Variants in MAL2 observed in about 807,000 individuals in gnomAD.
MAL2 encodes protein MAL2.
In MAL2, 17 loss-of-function variants were observed where a neutral mutation model predicts 18.1. That is an observed-to-expected ratio of 0.94 (90% CI 0.64 to 1.41). The LOEUF (loss-of-function observed/expected upper bound fraction) is 1.41. Ranked by LOEUF, MAL2 falls within the 40% of genes most tolerant of loss-of-function variation. The pLI is 0.00. For missense variants in MAL2, 222 were observed against 231.9 expected (o/e 0.96, Z 0.28); for synonymous variants, 102 against 102.3 (o/e 1.00, Z 0.02).
chr8:119,219,309 A>G (rs1049043873), intron 1 of MAL2, among the ~76,000 whole-genome samples: 6 of 152,182 alleles, frequency 3.9e-5, no homozygotes, highest in Non-Finnish European at 8.8e-5. Context: ...GTAGTAACAA[A>G]TTATATGATT....
chr8:119,244,871 T>G lies in MAL2; in HGVS notation c.*1383T>G, dbSNP rs1818119747. On this transcript the variant is annotated 3_prime_UTR_variant, in exon 4 of 4. Coordinates refer to ENST00000614891, the MANE Select transcript of MAL2 (RefSeq NM_052886.3). ...TTTTGAATGGAAGGACAAGTAAGAG[T>G]GAGGCCACAGTTCCCACCACACGAG... 6.6e-6 allele frequency: 1 copy of G among 152,478 alleles called. No homozygotes were observed. Among genetic ancestry groups the G allele is most frequent in the Admixed American group, 6.6e-5 (1 of 15,248 alleles). The allele number at this position is 152,478 out of a possible 1,614,324, so 9.4% of individuals were successfully genotyped here.
chr8:119,233,855 C>T (rs575699566), intron 2 of MAL2, among the ~76,000 whole-genome samples: 7 of 152,040 alleles, frequency 4.6e-5, no homozygotes, highest in East Asian at 1.9e-4. Context: ...ATACCAAAGC[C>T]GGGAAGAGAC....
At chr8:119,223,970 C>T (rs535430368) in intron 2 of MAL2, 1 of 152,238 alleles carries the variant, frequency 6.6e-6, no homozygotes, top group African/African-American at 2.4e-5. Context: ...AACTGTCAGA[C>T]ATTAATGGCT....
At chr8:119,210,875 A>G (rs933334514) in intron 1 of MAL2, among the ~76,000 whole-genome samples, 3 of 152,116 alleles carry the variant, frequency 2.0e-5, no homozygotes, top group Admixed American at 1.3e-4. Flanking sequence ...TTACTTGAAT[A>G]TCAATCTCCC....
At chr8:119,241,918 C>T (rs1818055309) in intron 3 of MAL2, among the ~76,000 whole-genome samples, 1 of 152,138 alleles carries the variant, frequency 6.6e-6, no homozygotes, top group South Asian at 2.1e-4. Context: ...ATTCTCTTTT[C>T]ATAAAGCTGC....
At chr8:119,220,042 G>C (rs1357644360) in intron 1 of MAL2, among the ~76,000 whole-genome samples, 2 of 152,110 alleles carry the variant, frequency 1.3e-5, no homozygotes, top group Non-Finnish European at 2.9e-5. Flanking sequence ...CAAAATGTGA[G>C]GGGCATAGTG....
At chr8:119,233,848 C>G (rs1202598393) in intron 2 of MAL2, among the ~76,000 whole-genome samples, 2 of 151,980 alleles carry the variant, frequency 1.3e-5, no homozygotes, top group Admixed American at 6.5e-5. Context: ...CATCCTGATA[C>G]CAAAGCCGGG....
intron 1 of MAL2, among the ~76,000 whole-genome samples, chr8:119,211,627 G>A (rs931125039): frequency 6.6e-6 from 1 of 151,362 alleles, no homozygotes; most frequent in African/African-American, 2.4e-5. Flanking sequence ...GCCAGCCTAC[G>A]AGCACCAGGA....
Position 119,208,402 on chromosome 8 carries a change from C to G in MAL2, c.-71C>G. 1 of 896,966 alleles carries G rather than the reference C, an allele frequency of 1.1e-6. No individual in the cohort carries two copies. Among genetic ancestry groups the G allele is most frequent in the South Asian group, 5.0e-5 (1 of 19,912 alleles). 55.6% of individuals were successfully genotyped at this position (896,966 alleles called of 1,614,324 possible). Reference sequence around the variant, plus strand: ...CGGAGCTGAGCGGCGGCGGCGGCGGCGGCAGGAGCCCGGGAGGCGGAGGCG... The same window carrying G: ...CGGAGCTGAGCGGCGGCGGCGGCGGGGGCAGGAGCCCGGGAGGCGGAGGCG... On this transcript the variant is annotated 5_prime_UTR_variant, in exon 1 of 4. Coordinates refer to ENST00000614891, the MANE Select transcript of MAL2 (RefSeq NM_052886.3). This position sits in a 1 kb window ranked among gnomAD's most constrained non-coding sequence, Gnocchi z 4.3.
chr8:119,218,579 A>G (rs1398415952), intron 1 of MAL2, among the ~76,000 whole-genome samples: 1 of 152,056 alleles, frequency 6.6e-6, no homozygotes, highest in Non-Finnish European at 1.5e-5. Context: ...AATCAGTTTA[A>G]TAGTGTCTAT....
At chr8:119,232,120 G>GTATA (rs566086894) in intron 2 of MAL2, among the ~76,000 whole-genome samples, 2 of 151,744 alleles carry the variant, frequency 1.3e-5, no homozygotes, top group Non-Finnish European at 2.9e-5. Context: ...ATATATTTAT[G>GTATA]TATATATAAA....
chr8:119,232,021 G>A (rs1817741431), intron 2 of MAL2, among the ~76,000 whole-genome samples: 3 of 151,834 alleles, frequency 2.0e-5, no homozygotes, highest in African/African-American at 7.3e-5. Flanking sequence ...TAATAACAGT[G>A]TATTATATTC....
intron 2 of MAL2, among the ~76,000 whole-genome samples, chr8:119,226,722 G>A (rs150877685): frequency 3.3e-4 from 51 of 152,242 alleles, no homozygotes; most frequent in African/African-American, 1.2e-3. Flanking sequence ...TACAAATGGT[G>A]GTCCTGGCCA....
At position 119,240,289 on chromosome 8, in the gene MAL2, A is replaced by G; in HGVS notation, c.428A>G (p.Asp143Gly). Residue 143 changes from aspartate to glycine, a missense_variant, in exon 3 of 4, where the codon GAT becomes GGT. Transcript: ENST00000614891. ...ATAACCGGGCAGCCACTCCTGAGTGATAACCAGTATAACATAAACGTAGCA... is the reference window on the plus strand; with the variant it reads ...ATAACCGGGCAGCCACTCCTGAGTGGTAACCAGTATAACATAAACGTAGCA... ...TTITGQPLLS[D>G]NQYNINVAAS... The G allele has an allele frequency of 1.2e-6, 2 of 1,613,688 alleles. No homozygotes were observed. The highest frequency in any genetic ancestry group is 1.7e-6 in the Non-Finnish European group (2 of 1,179,750).
chr8:119,232,848 T>TGCCA (rs1463168726), intron 2 of MAL2, among the ~76,000 whole-genome samples: 2,222 of 152,238 alleles, frequency 0.015, 1 homozygote, highest in African/African-American at 0.051. Flanking sequence ...CAAATTAAAA[T>TGCCA]TACATATTAT....
chr8:119,232,909 TCTTAATC>T (rs1817765182), intron 2 of MAL2, among the ~76,000 whole-genome samples: 1 of 152,196 alleles, frequency 6.6e-6, no homozygotes, highest in South Asian at 2.1e-4. Flanking sequence ...TGAGTGAGTT[TCTTAATC>T]CTGAGTTCTA....
At chr8:119,232,223 TTAAAA>T (rs931872486) in intron 2 of MAL2, among the ~76,000 whole-genome samples, 3 of 152,218 alleles carry the variant, frequency 2.0e-5, no homozygotes, top group South Asian at 2.1e-4. Flanking sequence ...TTTTTCTCAA[TTAAAA>T]TAATTTTTTT....
intron 2 of MAL2, among the ~76,000 whole-genome samples, chr8:119,225,825 G>A (rs1045404662): frequency 7.2e-5 from 11 of 152,202 alleles, no homozygotes; most frequent in Non-Finnish European, 1.3e-4. Context: ...ACTGGTGTGA[G>A]ATGGTATCTC....
In MAL2 at chr8:119,239,286, A is replaced by G. The variant is rs1817992255; in HGVS notation, c.304-879A>G. The stretch of plus-strand genomic sequence containing the variant: ...AAAGTCAGGAAACAACAGGTGCTGG[A>G]GAGGATGTGGAGAAATAGGAACACC... On this transcript the variant is annotated intron_variant, in intron 2 of 3. Transcript: ENST00000614891. Among the ~76,000 whole-genome samples the G allele has an allele frequency of 3.3e-5, 5 of 152,180 alleles. No individual in the cohort carries two copies. In the South Asian group the frequency reaches 8.3e-4, roughly 25 times the overall value.
Sources: gnomAD v4.1 joint callset for allele counts (sites outside exome capture counted in the v4.1 genomes callset) on GRCh38, gnomAD v4.1.1 for gene constraint, Gnocchi (gnomAD v3.1) non-coding constraint, MANE v1.5 for transcripts, NCBI Gene and HGNC (gene_info 2026-07-23, HGNC 2026-07-21) for gene names.